The following LCORL variants were observed in gnomAD, a reference collection of about 807,000 sequenced individuals.
LCORL encodes ligand dependent nuclear receptor corepressor like.
LCORL carries 41 observed loss-of-function variants against 141.8 expected under a neutral mutation model. That is an observed-to-expected ratio of 0.29 (90% CI 0.23 to 0.38). The LOEUF (loss-of-function observed/expected upper bound fraction) is 0.38, where lower values mean the gene tolerates loss of function less well. Among genes scored for constraint, LCORL ranks in the 10% least tolerant of loss-of-function variants. The pLI is 1.00. For missense variants in LCORL, 1,759 were observed against 2,035.0 expected, an observed-to-expected ratio of 0.86 and a Z score of 2.61; for synonymous variants, 618 against 694.1, an observed-to-expected ratio of 0.89 and a Z score of 1.72.
intron 7 of LCORL, among the ~76,000 whole-genome samples, chr4:17,857,366 T>C (rs997905743): frequency 2.0e-5 from 3 of 152,210 alleles, no homozygotes; most frequent in Admixed American, 1.3e-4. Flanking sequence ...TTCCCAAGTC[T>C]GTGAAAAGAA....
At chr4:17,911,475 A>G (rs1732517836) in intron 4 of LCORL, among the ~76,000 whole-genome samples, 1 of 152,258 alleles carries the variant, frequency 6.6e-6, no homozygotes, top group Non-Finnish European at 1.5e-5. Flanking sequence ...GTATCAGTGC[A>G]ACATGAGTTC....
intron 4 of LCORL, among the ~76,000 whole-genome samples, chr4:17,938,568 C>T (rs1321176872): frequency 6.6e-6 from 1 of 151,538 alleles, no homozygotes; most frequent in Admixed American, 6.6e-5. Flanking sequence ...AGGCATGCAC[C>T]ACCACACCCG....
chr4:17,998,238 A>G (rs932133203), intron 1 of LCORL, among the ~76,000 whole-genome samples: 22 of 152,212 alleles, frequency 1.4e-4, no homozygotes, highest in Non-Finnish European at 2.2e-4. Context: ...TGAATGTGAA[A>G]GCCTAGGACA....
chr4:17,860,572 G>T (rs1240126618), intron 7 of LCORL, among the ~76,000 whole-genome samples: 5 of 152,058 alleles, frequency 3.3e-5, no homozygotes, highest in Non-Finnish European at 7.4e-5. Flanking sequence ...TTTTGCTCCT[G>T]GTCCCTCCCA....
intron 4 of LCORL, among the ~76,000 whole-genome samples, chr4:17,916,010 A>G (rs1331390405): frequency 1.3e-5 from 2 of 152,144 alleles, no homozygotes; most frequent in African/African-American, 4.8e-5. Flanking sequence ...TTCTGGTCTT[A>G]AAAAGCTTGA....
chr4:17,986,090 G>A (rs927913587), intron 1 of LCORL, among the ~76,000 whole-genome samples: 33 of 152,256 alleles, frequency 2.2e-4, no homozygotes, highest in African/African-American at 7.5e-4. Flanking sequence ...TATAAGCTCC[G>A]AATCTCTTCT....
At position 17,954,038 on chromosome 4, in the gene LCORL, C is replaced by T. The variant is rs1458877625; in HGVS notation, c.430+7865G>A. On this transcript the variant is annotated intron_variant, in intron 4 of 7. Coordinates refer to ENST00000635767, the Ensembl canonical transcript of LCORL. ...ATTAGCCAGGTGTGGTGGCGGGCGC[C>T]TGTAATCCCAGCTACAGGGGAGGCT... Among the ~76,000 whole-genome samples, 3 of 152,136 alleles carry T rather than the reference C, an allele frequency of 2.0e-5. No homozygotes were observed. The East Asian group carries it at 5.8e-4, about 29-fold the overall frequency.
exon 7 of LCORL, chr4:17,875,222 A>G (rs1443038880): frequency 2.4e-6 from 3 of 1,231,572 alleles, no homozygotes; most frequent in African/African-American, 3.1e-5. Flanking sequence ...CAGATATGCC[A>G]GAGATTTTCA....
chr4:18,000,126 CTTTTT>C (rs11407271), intron 1 of LCORL, among the ~76,000 whole-genome samples: 1 of 130,734 alleles, frequency 7.6e-6, no homozygotes, highest in African/African-American at 2.8e-5. Flanking sequence ...ATTTGTGGTT[CTTTTT>C]TTTTTTTTTT....
At chr4:18,001,182 A>C (rs1721895756) in intron 1 of LCORL, among the ~76,000 whole-genome samples, 1 of 152,176 alleles carries the variant, frequency 6.6e-6, no homozygotes, top group Non-Finnish European at 1.5e-5. Flanking sequence ...TAAACAAACA[A>C]ACAAAAACCA....
At chr4:17,885,526 C>T in intron 6 of LCORL, among the ~76,000 whole-genome samples, 1 of 151,722 alleles carries the variant, frequency 6.6e-6, no homozygotes, top group East Asian at 1.9e-4. Flanking sequence ...ATCCAAAAAT[C>T]CAACAGAACA....
chr4:17,998,767 C>T (rs1159824925), intron 1 of LCORL, among the ~76,000 whole-genome samples: 1 of 151,350 alleles, frequency 6.6e-6, no homozygotes, highest in Non-Finnish European at 1.5e-5. Context: ...GAGTTCAAGA[C>T]CAGCCTGGGC....
At position 17,962,019 on chromosome 4, in the gene LCORL, G is replaced by C. The variant is rs750858334; in HGVS notation, c.314C>G (p.Ser105Cys). The C allele has an allele frequency of 3.1e-6, 5 of 1,604,570 alleles. No individual in the cohort carries two copies. In the East Asian group the frequency reaches 1.1e-4, roughly 36 times the overall value. ...TGGTGTTGACTGTGAAGAATCAAGA[G>C]ATGGTATACAATCCTAAAAGTATAA... Residue 105 changes from serine (S) to cysteine (C), a missense_variant, in exon 4 of 8, where the codon TCT becomes TGT. Transcript: ENST00000635767.
intron 4 of LCORL, among the ~76,000 whole-genome samples, chr4:17,915,667 A>G (rs992600341): frequency 6.6e-6 from 1 of 152,244 alleles, no homozygotes; most frequent in Non-Finnish European, 1.5e-5. Flanking sequence ...TACTGGAATT[A>G]TGTAATGGGA....
At chr4:17,926,003 G>A (rs192645668) in intron 4 of LCORL, among the ~76,000 whole-genome samples, 8 of 151,346 alleles carry the variant, frequency 5.3e-5, no homozygotes, top group Admixed American at 2.6e-4. Flanking sequence ...ACCTAATATC[G>A]GCATTGAAGT....
exon 4 of LCORL, chr4:17,961,943 G>A: frequency 6.2e-7 from 1 of 1,609,758 alleles, no homozygotes; most frequent in Non-Finnish European, 8.5e-7. Flanking sequence ...TTTCTGCTTG[G>A]CATTCAATCT....
intron 1 of LCORL, among the ~76,000 whole-genome samples, chr4:17,983,877 T>G (rs1718461388): frequency 6.6e-6 from 1 of 152,146 alleles, no homozygotes; most frequent in African/African-American, 2.4e-5. Flanking sequence ...CAGCTTTTGC[T>G]CATTCAGTAT....
exon 7 of LCORL, chr4:17,874,496 T>C (rs1726709126): frequency 8.1e-7 from 1 of 1,233,890 alleles, no homozygotes; most frequent in Non-Finnish European, 1.0e-6. Context: ...AATCATACTT[T>C]TTCTGAAAAA....
chr4:17,963,467 A>C (rs189148988), intron 2 of LCORL, among the ~76,000 whole-genome samples: 1 of 152,138 alleles, frequency 6.6e-6, no homozygotes, highest in African/African-American at 2.4e-5. Flanking sequence ...AGAAGAAAGC[A>C]CTAGAAAAGC....
Sources: allele counts gnomAD v4.1 joint callset (sites outside exome capture counted in the v4.1 genomes callset), GRCh38; gene constraint gnomAD v4.1.1; transcripts MANE v1.5; gene names NCBI Gene and HGNC (gene_info 2026-07-23, HGNC 2026-07-21).